The following STK31 variants were observed in gnomAD, a reference collection of about 807,000 sequenced individuals.
STK31 encodes the protein serine/threonine-protein kinase 31.
In STK31, 89 loss-of-function variants were observed where a neutral mutation model predicts 129.7. The observed-to-expected ratio is 0.69, with a 90% CI of 0.58 to 0.82. The LOEUF (loss-of-function observed/expected upper bound fraction) is 0.82, where lower values mean the gene tolerates loss of function less well. Among genes scored for constraint, STK31 ranks in the 40% least tolerant of loss-of-function variants. The pLI is 0.00. For missense variants in STK31, 1,187 were observed against 1,176.4 expected, an observed-to-expected ratio of 1.01 and a Z score of -0.13; for synonymous variants, 448 against 395.3, an observed-to-expected ratio of 1.13 and a Z score of -1.58.
At chr7:23,778,434 C>T (rs1431984830) in intron 15 of STK31, among the ~76,000 whole-genome samples, 1 of 152,174 alleles carries the variant, frequency 6.6e-6, no homozygotes, top group Non-Finnish European at 1.5e-5. Context: ...AGTGTGTTTT[C>T]CAACTTGGTT....
chr7:23,720,924 G>A (rs1378784681), intron 4 of STK31, among the ~76,000 whole-genome samples: 3 of 152,088 alleles, frequency 2.0e-5, no homozygotes, highest in African/African-American at 2.4e-5. Flanking sequence ...TTTTATAGAG[G>A]AAATGCAAAC....
rs185282993 is a variant in STK31, at chr7:23,769,147, T to G, written c.1569T>G (p.Leu523=). Residue 523 remains leucine, a synonymous_variant, in exon 12 of 24, where the codon CTT becomes CTG. Coordinates refer to ENST00000355870, the MANE Select transcript of STK31 (RefSeq NM_031414.5). The part of the protein sequence containing the change: ...RSETDASLHR[L]VAWFQRTLKV... ...AAACAGACGCTTCTCTGCACCGTCTTGTAGCATGGTTCCAAAGAACCTTAA... is the reference window on the plus strand; with the variant it reads ...AAACAGACGCTTCTCTGCACCGTCTGGTAGCATGGTTCCAAAGAACCTTAA... 1 of 1,601,906 alleles carries G rather than the reference T, an allele frequency of 6.2e-7. No homozygotes were observed. The highest frequency in any genetic ancestry group is 8.5e-7 in the Non-Finnish European group (1 of 1,175,988).
Position 23,776,977 on chromosome 7 carries a change from C to T in STK31, c.1966-4442C>T, listed in dbSNP as rs563804366. Among the ~76,000 whole-genome samples the T allele has an allele frequency of 7.2e-5, 11 of 152,294 alleles. No homozygotes were observed. In the South Asian group the frequency reaches 8.3e-4, roughly 11 times the overall value. On this transcript the variant is annotated intron_variant, in intron 15 of 23. Transcript: ENST00000355870. ...GGCATTTAGTGCTATAAATTTCCCT[C>T]TAAACACTGCTTTAGCTGTGTCCCA...
Position 23,724,854 on chromosome 7 carries a change from G to C in STK31, c.250-2387G>C, listed in dbSNP as rs73080953. Among the ~76,000 whole-genome samples, 1,113 of 152,228 alleles carry C rather than the reference G, an allele frequency of 7.3e-3. 1 individual carries two copies. The highest frequency in any genetic ancestry group is 0.024 in the South Asian group (116 of 4,828). On this transcript the variant is annotated intron_variant, in intron 4 of 23. Transcript: ENST00000355870. ...TGAATTGTTATTTATTTATTTGTTTGTCTGAATTTATGTGTTCTTTATTGT... is the reference window on the plus strand; with the variant it reads ...TGAATTGTTATTTATTTATTTGTTTCTCTGAATTTATGTGTTCTTTATTGT...
intron 23 of STK31, among the ~76,000 whole-genome samples, chr7:23,824,888 G>T (rs1336635206): frequency 1.3e-5 from 2 of 151,774 alleles, no homozygotes; most frequent in South Asian, 2.1e-4. Context: ...CTGTTTATAT[G>T]CTGGATTACG....
intron 8 of STK31, among the ~76,000 whole-genome samples, chr7:23,749,873 G>A (rs1174232353): frequency 6.6e-6 from 1 of 152,016 alleles, no homozygotes; most frequent in Admixed American, 6.6e-5. Context: ...GATGGCTAGA[G>A]TAGGATGGAA....
intron 16 of STK31, among the ~76,000 whole-genome samples, 165 bp from the exon 17 acceptor site, chr7:23,783,418 C>T (rs1028980844): frequency 4.6e-5 from 7 of 152,152 alleles, no homozygotes; most frequent in South Asian, 4.1e-4. Flanking sequence ...CAAGGTGAGT[C>T]GTGGTTTTCA....
intron 22 of STK31, among the ~76,000 whole-genome samples, chr7:23,796,124 C>G (rs1004373676): frequency 2.6e-5 from 4 of 152,158 alleles, no homozygotes; most frequent in African/African-American, 9.7e-5. Flanking sequence ...CAAATCTCAC[C>G]TTGAATTTTA....
chr7:23,827,364 T>C (rs1794228259), intron 23 of STK31, among the ~76,000 whole-genome samples: 1 of 152,232 alleles, frequency 6.6e-6, no homozygotes, highest in Non-Finnish European at 1.5e-5. Context: ...CCGTCACTGA[T>C]ACCCTTTCTT....
At position 23,820,685 on chromosome 7, in the gene STK31, C is replaced by G. The variant is rs530671212; in HGVS notation, c.2829+5473C>G. 3.9e-5 allele frequency among the ~76,000 whole-genome samples: 6 copies of G among 152,300 alleles called. No individual in the cohort carries two copies. In the South Asian group the frequency reaches 1.2e-3, roughly 32 times the overall value. Reference sequence around the variant, plus strand: ...TCTTCACCCCCTTCCACCTCACCCACATTCTCTTAGTCTCTGGTATCTGTC... The same window carrying G: ...TCTTCACCCCCTTCCACCTCACCCAGATTCTCTTAGTCTCTGGTATCTGTC... On this transcript the variant is annotated intron_variant, in intron 23 of 23. Coordinates refer to ENST00000355870, the MANE Select transcript of STK31 (RefSeq NM_031414.5).
At position 23,786,632 on chromosome 7, in the gene STK31, A is replaced by C; in HGVS notation, c.2399A>C (p.Lys800Thr). ...CCATTGATATTCCTGTTTTTATGTA[A>C]GGTAAAGTTCTTATGCTAATCTCTT... ...LLPLIFLFLC[K>T]SDPMAYLMVP... Residue 800 changes from lysine (K) to threonine (T), a missense_variant and splice_region_variant, in exon 19 of 24, where the codon AAG (lysine) becomes ACG (threonine). Physicochemically the swap from Lys to Thr is moderately conservative, Grantham distance 78. Around this residue, in one of 5 missense-constraint regions of STK31, gnomAD observed 975 missense variants for 934.9 expected, o/e 1.04. Coordinates refer to ENST00000355870, the MANE Select transcript of STK31 (RefSeq NM_031414.5). The C allele has an allele frequency of 6.2e-7, 1 of 1,612,550 alleles. No individual in the cohort carries two copies. The highest frequency in any genetic ancestry group is 1.1e-5 in the South Asian group (1 of 90,670).
At chr7:23,712,310 C>A (rs1786022929) in intron 3 of STK31, 24 bp downstream of exon 3, 10 of 1,602,574 alleles carry the variant, frequency 6.2e-6, no homozygotes, top group African/African-American at 1.3e-5. Flanking sequence ...TGGTTGATAT[C>A]CCCCCTCACC....
chr7:23,720,354 G>A (rs896891469), intron 4 of STK31, among the ~76,000 whole-genome samples: 6 of 152,130 alleles, frequency 3.9e-5, no homozygotes, highest in African/African-American at 1.4e-4. Context: ...AGATAAGTTG[G>A]AAGTTCCGTT....
chr7:23,745,214 TG>T (rs1161980700), intron 8 of STK31, among the ~76,000 whole-genome samples: 1 of 152,078 alleles, frequency 6.6e-6, no homozygotes, highest in African/African-American at 2.4e-5. Context: ...AATGGTGGAC[TG>T]GGCTGGGTGA....
At chr7:23,751,088 C>CT (rs759068542) in intron 8 of STK31, among the ~76,000 whole-genome samples, 75 of 152,170 alleles carry the variant, frequency 4.9e-4, no homozygotes, top group Non-Finnish European at 9.3e-4. Context: ...ATGAGATCAA[C>CT]TTTTTTTAGC....
chr7:23,775,661 A>G (rs1221228886), intron 15 of STK31, among the ~76,000 whole-genome samples: 1 of 152,020 alleles, frequency 6.6e-6, no homozygotes, highest in Non-Finnish European at 1.5e-5. Context: ...AATGCTTGTG[A>G]TTTTTGCACA....
chr7:23,802,422 T>A (rs1447260317), intron 22 of STK31, among the ~76,000 whole-genome samples: 1 of 152,218 alleles, frequency 6.6e-6, no homozygotes, highest in East Asian at 1.9e-4. Context: ...CTGGCTTCAC[T>A]GTGGTGCCTA....
In STK31 at chr7:23,819,424, T is replaced by C. The variant is rs749194271; in HGVS notation, c.2829+4212T>C. Among the ~76,000 whole-genome samples, 245 of 149,920 alleles carry C rather than the reference T, an allele frequency of 1.6e-3. 1 individual carries two copies. The highest frequency in any genetic ancestry group is 2.9e-3 in the Non-Finnish European group (198 of 67,134). On this transcript the variant is annotated intron_variant, in intron 23 of 23. Coordinates refer to ENST00000355870, the MANE Select transcript of STK31 (RefSeq NM_031414.5). ...AGTAAACAGATGATTTCTTTCCTTT[T>C]TTTTTTTTTTTGAGACAGTCTTGCT...
At chr7:23,734,055 TC>T (rs1460001217) in intron 6 of STK31, among the ~76,000 whole-genome samples, 3 of 152,178 alleles carry the variant, frequency 2.0e-5, no homozygotes, top group African/African-American at 7.2e-5. Flanking sequence ...GACCTTGACT[TC>T]CCCACACCCC....
Sources: allele counts gnomAD v4.1 joint callset (sites outside exome capture counted in the v4.1 genomes callset), GRCh38; gene constraint gnomAD v4.1.1; regional missense constraint gnomAD v4.1.1; transcripts MANE v1.5; gene names NCBI Gene and HGNC (gene_info 2026-07-23, HGNC 2026-07-21).